Variants in RASGEF1C observed in about 807,000 individuals in gnomAD.
RASGEF1C encodes the protein RasGEF domain family member 1C.
RASGEF1C carries 27 observed loss-of-function variants against 58.1 expected under a neutral mutation model. That is an observed-to-expected ratio of 0.46 (90% CI 0.34 to 0.64). RASGEF1C has a LOEUF of 0.64. Ranked by LOEUF, RASGEF1C falls within the 30% of genes least tolerant of loss-of-function variation. RASGEF1C has a pLI of 0.01. For missense variants in RASGEF1C, 502 were observed against 605.1 expected (o/e 0.83, Z 1.79); for synonymous variants, 243 against 246.3 (o/e 0.99, Z 0.13).
chr5:180,118,470 A>T, intron 10 of RASGEF1C, 139 bp downstream of exon 10: 1 of 760,846 alleles, frequency 1.3e-6, no homozygotes, highest in Non-Finnish European at 2.1e-6. Context: ...TGAGTTCCCC[A>T]CGCTGGAGGC....
intron 1 of RASGEF1C, among the ~76,000 whole-genome samples, chr5:180,171,429 A>G (rs1483648668): frequency 6.6e-6 from 1 of 152,142 alleles, no homozygotes; most frequent in African/African-American, 2.4e-5. Flanking sequence ...CCATGAGAAG[A>G]TGGGAGACCC....
At chr5:180,113,022 G>A (rs1180884003) in intron 11 of RASGEF1C, among the ~76,000 whole-genome samples, 2 of 94,598 alleles carry the variant, frequency 2.1e-5, no homozygotes, top group Non-Finnish European at 2.3e-5. Context: ...GGAGGGACCG[G>A]GGATGGACGG....
chr5:180,122,412 A>G (rs1057499912), intron 6 of RASGEF1C, among the ~76,000 whole-genome samples: 6 of 152,268 alleles, frequency 3.9e-5, no homozygotes, highest in African/African-American at 1.4e-4. Context: ...ACCACCATTT[A>G]AAAGATGAAA....
intron 8 of RASGEF1C, among the ~76,000 whole-genome samples, 154 bp from the exon 9 acceptor site, chr5:180,119,020 A>G (rs1766121856): frequency 6.6e-6 from 1 of 152,178 alleles, no homozygotes; most frequent in Non-Finnish European, 1.5e-5. Flanking sequence ...GGTGGACATC[A>G]TGGTCAGGTA....
chr5:180,116,507 G>A (rs971302175), intron 10 of RASGEF1C, among the ~76,000 whole-genome samples: 1 of 152,060 alleles, frequency 6.6e-6, no homozygotes, highest in African/African-American at 2.4e-5. Context: ...TGTGGGCCTA[G>A]CCCAAGACCC....
At chr5:180,118,370 C>T (rs1286219020) in intron 10 of RASGEF1C, among the ~76,000 whole-genome samples, 1 of 152,176 alleles carries the variant, frequency 6.6e-6, no homozygotes, top group Non-Finnish European at 1.5e-5. Flanking sequence ...GAAAGGATGA[C>T]CCCAGGCAGC....
At chr5:180,161,514 C>G (rs1766943890) in intron 1 of RASGEF1C, among the ~76,000 whole-genome samples, 1 of 152,232 alleles carries the variant, frequency 6.6e-6, no homozygotes. Context: ...ATCGCCGTGG[C>G]GTCTTGAGGA....
In RASGEF1C at chr5:180,121,374, C is replaced by T. The variant is rs180671951; in HGVS notation, c.715-225G>A. Among the ~76,000 whole-genome samples the T allele has an allele frequency of 8.8e-3, 1,338 of 151,348 alleles. 19 individuals carry two copies. Among genetic ancestry groups the T allele is most frequent in the African/African-American group, 0.03 (1,236 of 41,068 alleles). On this transcript the variant is annotated intron_variant, in intron 6 of 13. Coordinates refer to ENST00000361132, the MANE Select transcript of RASGEF1C (RefSeq NM_175062.4). ...TGTCGCCCAGGCTGGAGTGCGGTGG[C>T]GCGATCTCGGCTCACTGCAAGCTCC...
In RASGEF1C at chr5:180,114,689, G is replaced by T. The variant is rs557944051; in HGVS notation, c.1084-148C>A. The T allele has an allele frequency of 6.2e-6, 4 of 641,586 alleles. No homozygotes were observed. In the African/African-American group the frequency reaches 7.3e-5, roughly 12 times the overall value. 39.7% of individuals were successfully genotyped at this position (641,586 alleles called of 1,614,324 possible). A position where few individuals can be genotyped will look rare whatever the true frequency, so the allele number is the denominator to read the frequency against. Reference sequence around the variant, plus strand: ...AGGGCAGGGGAGACTTCCTGGGCTAGCCGGGGCCTTGGGACTTCACGGGTT... The same window carrying T: ...AGGGCAGGGGAGACTTCCTGGGCTATCCGGGGCCTTGGGACTTCACGGGTT... On this transcript the variant is annotated intron_variant, in intron 10 of 13. Transcript: ENST00000361132.
chr5:180,125,428 A>G (rs1338649643), intron 6 of RASGEF1C, among the ~76,000 whole-genome samples: 1 of 152,218 alleles, frequency 6.6e-6, no homozygotes, highest in African/African-American at 2.4e-5. Context: ...TCAGGATAAA[A>G]TAAGGATGCC....
intron 1 of RASGEF1C, among the ~76,000 whole-genome samples, chr5:180,179,397 G>GGGCC (rs1242107349): frequency 6.6e-6 from 1 of 152,130 alleles, no homozygotes; most frequent in Non-Finnish European, 1.5e-5. Flanking sequence ...CAGGAGAGAA[G>GGGCC]GGCCGATGGA....
intron 6 of RASGEF1C, 121 bp downstream of exon 6, chr5:180,127,488 G>T: frequency 1.1e-6 from 1 of 889,358 alleles, no homozygotes; most frequent in Non-Finnish European, 1.6e-6. Context: ...GGCCCCCCGA[G>T]CCCACCTGTC....
chr5:180,137,978 A>T lies in RASGEF1C; in HGVS notation c.75T>A (p.Asp25Glu), dbSNP rs771684207. The change falls in exon 2 of 14, where the codon GAT (aspartate) becomes GAA (glutamate). Residue 25 changes from aspartate (D) to glutamate (E), a missense_variant. By Grantham distance (45) the Asp-to-Glu change is conservative. Coordinates refer to ENST00000361132, the MANE Select transcript of RASGEF1C (RefSeq NM_175062.4). This position sits in a 1 kb window ranked among gnomAD's most constrained non-coding sequence, Gnocchi z 4.1. ...GGAGGGGCTGCCCAGCCTGTTCGCC[A>T]TCTGTGGGCTCGGTGGGGGGTGGGC... ...SLSPPPTEPT[D>E]GEQAGQPLLD... 3 of 1,592,206 alleles carry T rather than the reference A, an allele frequency of 1.9e-6. No homozygotes were observed. The highest frequency in any genetic ancestry group is 2.6e-6 in the Non-Finnish European group (3 of 1,172,744).
Position 180,155,323 on chromosome 5 carries a change from T to G in RASGEF1C, c.-6-17265A>C, listed in dbSNP as rs1000798402. Among the ~76,000 whole-genome samples, 1 of 152,096 alleles carries G rather than the reference T, an allele frequency of 6.6e-6. No individual in the cohort carries two copies. Among genetic ancestry groups the G allele is most frequent in the African/African-American group, 2.4e-5 (1 of 41,416 alleles). ...GCCTGGACACACATTTCATTTCCAT[T>G]TGGGTCCCATGAAGGACTCCTGCCT... On this transcript the variant is annotated intron_variant, in intron 1 of 13. Coordinates refer to ENST00000361132, the MANE Select transcript of RASGEF1C (RefSeq NM_175062.4). The surrounding 1 kb of genome is among the most constrained non-coding windows in gnomAD (Gnocchi z 5.2).
intron 1 of RASGEF1C, among the ~76,000 whole-genome samples, chr5:180,200,580 T>C (rs1381296695): frequency 6.6e-6 from 1 of 152,042 alleles, no homozygotes; most frequent in East Asian, 1.9e-4. Flanking sequence ...CCCAAAGTGC[T>C]GGGATTACAG....
At chr5:180,148,576 A>G (rs1766694363) in intron 1 of RASGEF1C, among the ~76,000 whole-genome samples, 1 of 152,200 alleles carries the variant, frequency 6.6e-6, no homozygotes, top group Non-Finnish European at 1.5e-5. Flanking sequence ...TTGAATTTAG[A>G]CCAGTTTAAC....
At chr5:180,151,556 C>G (rs966682537) in intron 1 of RASGEF1C, among the ~76,000 whole-genome samples, 44 of 152,148 alleles carry the variant, frequency 2.9e-4, no homozygotes, top group African/African-American at 9.9e-4. Context: ...ACACCTTATA[C>G]AAAAATTAAT....
intron 11 of RASGEF1C, among the ~76,000 whole-genome samples, chr5:180,112,619 G>T (rs950951520): frequency 1.3e-5 from 2 of 152,234 alleles, no homozygotes; most frequent in African/African-American, 4.8e-5. Context: ...CAACGCTAGG[G>T]TGGGGCTGGC....
intron 10 of RASGEF1C, among the ~76,000 whole-genome samples, chr5:180,117,481 G>A (rs550595740): frequency 3.9e-5 from 6 of 152,326 alleles, no homozygotes; most frequent in Admixed American, 6.5e-5. Flanking sequence ...CAATGTTCCC[G>A]CATGGCACGG....
Sources: allele counts gnomAD v4.1 joint callset (sites outside exome capture counted in the v4.1 genomes callset), GRCh38; gene constraint gnomAD v4.1.1; non-coding constraint Gnocchi (gnomAD v3.1); transcripts MANE v1.5; gene names NCBI Gene and HGNC (gene_info 2026-07-23, HGNC 2026-07-21).